The following KMT2C variants were observed in gnomAD, a reference collection of about 807,000 sequenced individuals.
KMT2C encodes histone-lysine N-methyltransferase 2C.
A neutral mutation model predicts 507.9 loss-of-function variants in KMT2C; 88 were observed. The ratio of observed to expected loss-of-function variants is 0.17; its 90% CI spans 0.15 to 0.21. The LOEUF is 0.21. Ranked by LOEUF, KMT2C falls within the 10% of genes least tolerant of loss-of-function variation. The pLI, the probability that KMT2C is intolerant of heterozygous loss-of-function variation, is 1.00. For synonymous variants in KMT2C, 2,049 were observed against 2,080.8 expected (o/e 0.98, Z 0.42); for missense variants, 4,954 against 5,957.8 (o/e 0.83, Z 5.55).
chr7:152,235,176 C>T (rs1320253274), intron 16 of KMT2C, among the ~76,000 whole-genome samples: 1 of 148,572 alleles, frequency 6.7e-6, no homozygotes, highest in Non-Finnish European at 1.5e-5. Flanking sequence ...AATATATTCA[C>T]TATCATGATT....
intron 1 of KMT2C, among the ~76,000 whole-genome samples, chr7:152,427,939 CT>C (rs1343401489): frequency 6.6e-6 from 1 of 152,152 alleles, no homozygotes; most frequent in Non-Finnish European, 1.5e-5. Flanking sequence ...ACATTCTATG[CT>C]TTGGCTTGAT....
intron 26 of KMT2C, among the ~76,000 whole-genome samples, chr7:152,201,624 A>G (rs1470795496): frequency 4.6e-5 from 6 of 131,378 alleles, no homozygotes; most frequent in African/African-American, 2.0e-4. Context: ...GATGAAAAAA[A>G]AAAAAAAAAA....
intron 3 of KMT2C, among the ~76,000 whole-genome samples, chr7:152,327,205 T>C (rs555354686): frequency 6.6e-6 from 1 of 152,338 alleles, no homozygotes; most frequent in East Asian, 1.9e-4. Flanking sequence ...AGCCAATTAT[T>C]GAGTGACCTA....
chr7:152,304,020 C>T (rs999646602), intron 6 of KMT2C, among the ~76,000 whole-genome samples: 2 of 151,740 alleles, frequency 1.3e-5, no homozygotes, highest in African/African-American at 4.8e-5. Context: ...AGAAGACATA[C>T]ATATTCCACT....
chr7:152,220,158 T>C, intron 23 of KMT2C: 1 of 217,096 alleles, frequency 4.6e-6, no homozygotes, highest in Admixed American at 5.2e-5. Context: ...TTCTAGAATG[T>C]ATGCATCAAC....
At chr7:152,284,283 A>T (rs1241263177) in intron 6 of KMT2C, among the ~76,000 whole-genome samples, 1 of 152,138 alleles carries the variant, frequency 6.6e-6, no homozygotes, top group East Asian at 1.9e-4. Context: ...AAAACAGAAA[A>T]TACAGAAATA....
chr7:152,388,030 A>T (rs192062505), intron 1 of KMT2C, among the ~76,000 whole-genome samples: 18 of 151,676 alleles, frequency 1.2e-4, no homozygotes, highest in African/African-American at 4.3e-4. Flanking sequence ...TCCAACTCTG[A>T]AATTCCCACA....
intron 31 of KMT2C, among the ~76,000 whole-genome samples, chr7:152,188,503 A>G (rs897378911): frequency 2.6e-5 from 4 of 151,736 alleles, no homozygotes; most frequent in African/African-American, 9.7e-5. Context: ...AAGTTTTATC[A>G]AATATTCTTT....
chr7:152,160,721 TG>T (rs1043188046), intron 43 of KMT2C, among the ~76,000 whole-genome samples: 6 of 150,194 alleles, frequency 4.0e-5, no homozygotes, highest in African/African-American at 1.5e-4. Context: ...CACTTTAATT[TG>T]GGGGGAGGGG....
intron 7 of KMT2C, among the ~76,000 whole-genome samples, chr7:152,269,757 A>C (rs1281413550): frequency 3.3e-5 from 5 of 152,238 alleles, no homozygotes; most frequent in Admixed American, 2.6e-4. Flanking sequence ...TGAAATGCCA[A>C]CAGTGGCATA....
chr7:152,374,878 G>C (rs962748913), intron 1 of KMT2C, among the ~76,000 whole-genome samples: 1 of 135,810 alleles, frequency 7.4e-6, no homozygotes, highest in Non-Finnish European at 1.5e-5. Context: ...GGGAGACTCT[G>C]TCTCTCAAAA....
intron 6 of KMT2C, among the ~76,000 whole-genome samples, chr7:152,296,067 C>CA (rs34144566): frequency 0.21 from 9,442 of 44,764 alleles, 1,265 homozygotes; most frequent in East Asian, 0.28. Flanking sequence ...GACTCCGTCT[C>CA]AAAAAAAAAA....
In KMT2C at chr7:152,182,319, A is replaced by G; in HGVS notation, c.5541T>C (p.Phe1847=). The G allele has an allele frequency of 6.2e-7, 1 of 1,614,142 alleles. No homozygotes were observed. The highest frequency in any genetic ancestry group is 8.5e-7 in the Non-Finnish European group (1 of 1,180,022). ...GAGGAGGTGGAGCTTGTGGCTTTAC[A>G]AACACATCATCTGAAGATGTAGACG... ...TPTSTSSDDV[F]VKPQAPPPPP... is the part of the protein sequence containing the mutation. The change falls in exon 36 of 59, where the codon TTT becomes TTC. Residue 1847 remains phenylalanine, a synonymous_variant. Transcript: ENST00000262189.
At chr7:152,282,468 T>C (rs2096235493) in intron 6 of KMT2C, among the ~76,000 whole-genome samples, 1 of 152,234 alleles carries the variant, frequency 6.6e-6, no homozygotes, top group Non-Finnish European at 1.5e-5. Flanking sequence ...AAATAAATTA[T>C]AGTACTCTTA....
intron 1 of KMT2C, among the ~76,000 whole-genome samples, chr7:152,427,809 C>T (rs1318207926): frequency 6.6e-6 from 1 of 152,184 alleles, no homozygotes; most frequent in Non-Finnish European, 1.5e-5. Flanking sequence ...TCCAGTCCTA[C>T]TTCCCCGAAT....
chr7:152,345,144 G>A (rs1395495599), intron 2 of KMT2C, among the ~76,000 whole-genome samples: 1 of 152,156 alleles, frequency 6.6e-6, no homozygotes, highest in East Asian at 1.9e-4. Flanking sequence ...CTAAAGCTGG[G>A]CATGGTGGCT....
intron 31 of KMT2C, among the ~76,000 whole-genome samples, chr7:152,188,616 T>G (rs907715988): frequency 4.6e-5 from 6 of 131,372 alleles, no homozygotes; most frequent in South Asian, 2.4e-4. Flanking sequence ...TTTTTTTTTT[T>G]TTTTTTTTGT....
chr7:152,423,068 C>T (rs893615267), intron 1 of KMT2C, among the ~76,000 whole-genome samples: 2 of 150,536 alleles, frequency 1.3e-5, no homozygotes, highest in Non-Finnish European at 1.5e-5. Flanking sequence ...CAGCCGGGTG[C>T]GGTGGCTCAC....
intron 43 of KMT2C, among the ~76,000 whole-genome samples, chr7:152,160,723 G>A (rs1255301568): frequency 6.7e-6 from 1 of 149,054 alleles, no homozygotes; most frequent in Non-Finnish European, 1.5e-5. Context: ...CTTTAATTTG[G>A]GGGGAGGGGC....
Sources: allele counts gnomAD v4.1 joint callset (sites outside exome capture counted in the v4.1 genomes callset), GRCh38; gene constraint gnomAD v4.1.1; transcripts MANE v1.5; gene names NCBI Gene and HGNC (gene_info 2026-07-23, HGNC 2026-07-21).